The following RIIAD1 variants were observed in gnomAD, a reference collection of about 807,000 sequenced individuals.
The protein encoded by RIIAD1 is regulatory subunit of type II PKA R-subunit domain containing 1, also known as RIIa domain-containing protein 1.
RIIAD1 carries 15 observed loss-of-function variants against 13.3 expected under a neutral mutation model. The observed-to-expected ratio is 1.13, with a 90% CI of 0.76 to 1.74. The LOEUF (loss-of-function observed/expected upper bound fraction) is 1.74, where lower values mean the gene tolerates loss of function less well. Ranked by LOEUF, RIIAD1 falls within the 40% of genes most tolerant of loss-of-function variation. The pLI is 0.00. For synonymous variants in RIIAD1, 50 were observed against 43.3 expected (o/e 1.16, Z -0.61); for missense variants, 121 against 112.2 (o/e 1.08, Z -0.35).
At position 151,714,084 on chromosome 1, in the gene RIIAD1, C is replaced by T. The variant is rs545076653; in HGVS notation, c.-89-336C>T. Among the ~76,000 whole-genome samples the T allele has an allele frequency of 7.5e-4, 114 of 152,308 alleles. 4 individuals are homozygous for T. The South Asian group carries it at 0.023, about 31-fold the overall frequency. ...ACCCTGATGCTCTGTGGCTCTGTTC[C>T]TGGGACTCTTCCTGGGAGACAGAAG... On this transcript the variant is annotated intron_variant, in intron 3 of 8. Transcript: ENST00000326413.
chr1:151,728,209 C>G (rs1367303648), intron 3 of RIIAD1, among the ~76,000 whole-genome samples: 1 of 152,228 alleles, frequency 6.6e-6, no homozygotes, highest in Non-Finnish European at 1.5e-5. Context: ...GCAGCAGATG[C>G]TGCCTCTGAT....
Position 151,722,123 on chromosome 1 carries a change from C to T in RIIAD1, c.122C>T (p.Thr41Ile). ...ATTGCTAACGAAAAGTACCTAAGGACCCACAAAGAAGTAGAGTGGCTCATA... is the reference window on the plus strand; with the variant it reads ...ATTGCTAACGAAAAGTACCTAAGGATCCACAAAGAAGTAGAGTGGCTCATA... ...TRIANEKYLR[T>I]HKEVEWLISG... The change falls in exon 2 of 5, where the codon ACC becomes ATC. Residue 41 changes from threonine (T) to isoleucine (I), a missense_variant. Coordinates refer to ENST00000479191, the MANE Select transcript of RIIAD1 (RefSeq NM_001144956.3). 1.3e-6 allele frequency: 2 copies of T among 1,551,306 alleles called. No individual in the cohort carries two copies. The highest frequency in any genetic ancestry group is 1.7e-6 in the Non-Finnish European group (2 of 1,146,684).
chr1:151,727,330 A>T (rs1673849519), intron 2 of RIIAD1, among the ~76,000 whole-genome samples: 1 of 152,232 alleles, frequency 6.6e-6, no homozygotes. Context: ...GCTGCAGCAC[A>T]GCTCTTTCTC....
intron 4 of RIIAD1, among the ~76,000 whole-genome samples, chr1:151,715,015 C>T (rs1370257479): frequency 6.6e-6 from 1 of 152,032 alleles, no homozygotes; most frequent in Non-Finnish European, 1.5e-5. Context: ...CCCTCTCTCC[C>T]TCACCTCCAC....
chr1:151,714,417 C>T, intron 3 of RIIAD1: 1 of 672,378 alleles, frequency 1.5e-6, no homozygotes, highest in Non-Finnish European at 2.7e-6. Context: ...TCCTTCTCTC[C>T]AGGTAACAAG....
In RIIAD1 at chr1:151,721,619, AG is replaced by A; in HGVS notation, c.84+1del. 1 of 1,286,786 alleles carries A rather than the reference AG, an allele frequency of 7.8e-7. No homozygotes were observed. The highest frequency in any genetic ancestry group is 9.9e-7 in the Non-Finnish European group (1 of 1,013,690). The allele number at this position is 1,286,786 out of a possible 1,614,324, so 79.7% of individuals were successfully genotyped here. Reference sequence around the variant, plus strand: ...CAGCTGGAGCAGCTGCGAAAATTCAAGGTGGGTGCGCCCGCGCCCCCATCCA... The same window carrying A: ...CAGCTGGAGCAGCTGCGAAAATTCAAGTGGGTGCGCCCGCGCCCCCATCCA... ...AAQLEQLRKF[K>X]IQTRIANEKY... On this transcript the variant is annotated frameshift_variant and splice_region_variant, in exon 1 of 5. Coordinates refer to ENST00000479191, the MANE Select transcript of RIIAD1 (RefSeq NM_001144956.3). LOFTEE classifies it high-confidence loss of function.
chr1:151,728,431 C>T (rs1673869734), intron 3 of RIIAD1: 1 of 322,816 alleles, frequency 3.1e-6, no homozygotes, highest in South Asian at 4.8e-5. Flanking sequence ...CCTCTGATGG[C>T]TCTCTGTGCG....
intron 2 of RIIAD1, among the ~76,000 whole-genome samples, chr1:151,722,591 A>G (rs1163336459): frequency 6.6e-6 from 1 of 152,226 alleles, no homozygotes; most frequent in African/African-American, 2.4e-5. Flanking sequence ...GAATGGAAAC[A>G]TATCCTAATG....
chr1:151,714,266 C>T (rs946038923), intron 3 of RIIAD1, among the ~76,000 whole-genome samples: 1 of 152,234 alleles, frequency 6.6e-6, no homozygotes, highest in African/African-American at 2.4e-5. Flanking sequence ...CTGATCCACA[C>T]TTGGTGTCCA....
At chr1:151,713,914 G>T (rs1015086416) in intron 3 of RIIAD1, among the ~76,000 whole-genome samples, 2 of 152,190 alleles carry the variant, frequency 1.3e-5, no homozygotes, top group African/African-American at 4.8e-5. Context: ...CAGGAGAGGG[G>T]CCACCTCTGA....
At chr1:151,715,715 T>C (rs1673423982) in intron 4 of RIIAD1, 3 of 1,562,762 alleles carry the variant, frequency 1.9e-6, no homozygotes, top group East Asian at 4.7e-5. Flanking sequence ...CTGATCACTC[T>C]AGCTGAGTTC....
intron 4 of RIIAD1, chr1:151,716,139 T>C: frequency 9.3e-7 from 1 of 1,072,956 alleles, no homozygotes; most frequent in Non-Finnish European, 1.3e-6. Context: ...TGGCTTTCCC[T>C]TTGGCCCCCA....
At chr1:151,721,253 A>C (rs1161829165), upstream of RIIAD1, among the ~76,000 whole-genome samples, 1 of 152,076 alleles carries the variant, frequency 6.6e-6, no homozygotes, top group East Asian at 1.9e-4. Flanking sequence ...ATTCGGGGAG[A>C]CCTTTTTTCC....
rs1673748384 is a variant in RIIAD1, at chr1:151,722,083, C to T, written c.85-3C>T. The T allele has an allele frequency of 3.9e-6, 6 of 1,548,550 alleles. No homozygotes were observed. The highest frequency in any genetic ancestry group is 5.2e-6 in the Non-Finnish European group (6 of 1,144,304). On this transcript the variant is annotated splice_polypyrimidine_tract_variant and splice_region_variant and intron_variant, in intron 1 of 4. Transcript: ENST00000479191. Reference sequence around the variant, plus strand: ...GAAGTGACCCTTTGTTCTTGCCCCCCAGATTCAGACTCGGATTGCTAACGA... The same window carrying T: ...GAAGTGACCCTTTGTTCTTGCCCCCTAGATTCAGACTCGGATTGCTAACGA...
intron 2 of RIIAD1, among the ~76,000 whole-genome samples, chr1:151,726,998 G>T (rs1673842339): frequency 6.6e-6 from 1 of 152,172 alleles, no homozygotes; most frequent in East Asian, 1.9e-4. Flanking sequence ...CAGTGAAAAT[G>T]ATCGTTGAGG....
upstream of RIIAD1, among the ~76,000 whole-genome samples, chr1:151,717,884 C>A (rs1212716287): frequency 6.6e-6 from 1 of 152,070 alleles, no homozygotes; most frequent in East Asian, 1.9e-4. Context: ...GGAGCGTGAC[C>A]CCTCCATGCA....
chr1:151,721,315 AG>A (rs921942326), upstream of RIIAD1, among the ~76,000 whole-genome samples: 150 of 152,320 alleles, frequency 9.8e-4, no homozygotes, highest in African/African-American at 3.6e-3. Flanking sequence ...GGGGTCAAAA[AG>A]GGCTCATTCC....
intron 4 of RIIAD1, chr1:151,715,541 T>C (rs954610485): frequency 8.0e-6 from 9 of 1,131,702 alleles, no homozygotes; most frequent in Non-Finnish European, 1.1e-5. Flanking sequence ...CACACACCCC[T>C]ACCCAGCTGC....
chr1:151,725,223 G>A (rs1673807198), intron 2 of RIIAD1, among the ~76,000 whole-genome samples: 1 of 143,842 alleles, frequency 7.0e-6, no homozygotes, highest in African/African-American at 2.6e-5. Context: ...CTATTCTCCT[G>A]CCTCCACCTC....
Sources: allele counts gnomAD v4.1 joint callset (sites outside exome capture counted in the v4.1 genomes callset), GRCh38; gene constraint gnomAD v4.1.1; transcripts MANE v1.5; gene names NCBI Gene and HGNC (gene_info 2026-07-23, HGNC 2026-07-21).